TNS1: variants seen among roughly 807,000 people sequenced by gnomAD.
TNS1 encodes the protein tensin-1.
Under a neutral mutation model 168.6 loss-of-function variants are expected in TNS1, and 62 were observed. The ratio of observed to expected loss-of-function variants is 0.37; its 90% CI spans 0.30 to 0.45. The LOEUF (loss-of-function observed/expected upper bound fraction) is 0.45. Ranked by LOEUF, TNS1 falls within the 20% of genes least tolerant of loss-of-function variation. TNS1 has a pLI of 1.00. For synonymous variants in TNS1, 934 were observed against 933.2 expected, an observed-to-expected ratio of 1.00 and a Z score of -0.02; for missense variants, 2,240 against 2,339.4, an observed-to-expected ratio of 0.96 and a Z score of 0.88.
At chr2:217,957,840 CAAAAAAAAAAAA>C (rs35149245) in intron 3 of TNS1, among the ~76,000 whole-genome samples, 4 of 74,218 alleles carry the variant, frequency 5.4e-5, no homozygotes, top group Admixed American at 3.1e-4. Context: ...AGTACTCCCG[CAAAAAAAAAAAA>C]AAAAAAAAAA....
chr2:217,883,188 T>C (rs1950848232), intron 16 of TNS1, among the ~76,000 whole-genome samples: 1 of 152,230 alleles, frequency 6.6e-6, no homozygotes, highest in African/African-American at 2.4e-5. Flanking sequence ...CCTGTCTTCT[T>C]AAATCTGATT....
chr2:217,813,934 T>A lies in TNS1; in HGVS notation c.4730-118A>T. 7.7e-7 allele frequency: 1 copy of A among 1,292,204 alleles called. No individual in the cohort carries two copies. Among genetic ancestry groups the A allele is most frequent in the Non-Finnish European group, 1.0e-6 (1 of 989,322 alleles). 80.0% of individuals were successfully genotyped at this position (1,292,204 alleles called of 1,614,324 possible). ...TTTCTTAGGTGAGACAAATTTTCTT[T>A]AAAGTTAAAATTTAACTACTCCTAC... On this transcript the variant is annotated intron_variant, in intron 25 of 32. Coordinates refer to ENST00000682258, the MANE Select transcript of TNS1 (RefSeq NM_001387777.1). This position sits in a 1 kb window ranked among gnomAD's most constrained non-coding sequence, Gnocchi z 4.0.
rs527277378 is a variant in TNS1 at position 217,995,882 on chromosome 2, C to T, written c.34-4826G>A. 8.1e-4 allele frequency among the ~76,000 whole-genome samples: 124 copies of T among 152,330 alleles called. No homozygotes were observed. Among genetic ancestry groups the T allele is most frequent in the African/African-American group, 2.0e-3 (84 of 41,576 alleles). On this transcript the variant is annotated intron_variant, in intron 1 of 32. Transcript: ENST00000682258. This position sits in a 1 kb window ranked among gnomAD's most constrained non-coding sequence, Gnocchi z 4.1. ...GCCCAGAGCTCTAGCCCCCACCCTG[C>T]CACCAGCCCACCCAGCATCAGAGGG...
intron 18 of TNS1, among the ~76,000 whole-genome samples, chr2:217,851,748 C>A (rs887894617): frequency 6.6e-6 from 1 of 152,240 alleles, no homozygotes; most frequent in Non-Finnish European, 1.5e-5. Flanking sequence ...CCTCTTCCAA[C>A]CCCCTATTAT....
chr2:217,963,410 G>A (rs1409893905), intron 3 of TNS1, among the ~76,000 whole-genome samples: 2 of 152,090 alleles, frequency 1.3e-5, no homozygotes, highest in African/African-American at 4.8e-5. Flanking sequence ...CATGCACCGG[G>A]AGCGTAAAAG....
intron 1 of TNS1, among the ~76,000 whole-genome samples, chr2:217,991,737 G>A (rs1245156641): frequency 3.3e-5 from 5 of 151,930 alleles, no homozygotes; most frequent in Admixed American, 3.3e-4. Flanking sequence ...TCTAACCCAT[G>A]GCCCCACAGT....
chr2:217,971,019 G>T (rs1421567288), intron 3 of TNS1, among the ~76,000 whole-genome samples: 2 of 152,200 alleles, frequency 1.3e-5, no homozygotes, highest in African/African-American at 2.4e-5. Context: ...AGAAGCCATA[G>T]ACCAATGGTT....
intron 2 of TNS1, among the ~76,000 whole-genome samples, chr2:217,987,721 G>A (rs1015202412): frequency 1.3e-5 from 2 of 152,212 alleles, no homozygotes; most frequent in African/African-American, 4.8e-5. Context: ...CTCATCAAGA[G>A]AGTTGCCATG....
rs952999839 is a variant in TNS1, at chr2:217,842,008, C to A, written c.3007+5502G>T. The A allele has an allele frequency of 1.6e-4, 109 of 697,536 alleles. No individual in the cohort carries two copies. The East Asian group carries it at 2.9e-3, about 18-fold the overall frequency. The allele number at this position is 697,536 out of a possible 1,614,324, so 43.2% of individuals were successfully genotyped here. A position where few individuals can be genotyped will look rare whatever the true frequency, so the allele number is the denominator to read the frequency against. ...ACACCACAGGGGCCACAGGAGTGGC[C>A]AACATTGCCCCTGCCCTGGCCCCCA... On this transcript the variant is annotated intron_variant, in intron 19 of 32. Coordinates refer to ENST00000682258, the MANE Select transcript of TNS1 (RefSeq NM_001387777.1).
At chr2:218,010,832 G>T (rs943233988), upstream of TNS1, among the ~76,000 whole-genome samples, 3 of 152,146 alleles carry the variant, frequency 2.0e-5, no homozygotes, top group African/African-American at 7.2e-5. Context: ...TTAAACGGAG[G>T]CCTCCGGCTT....
At chr2:217,894,964 T>C (rs1170297181) in intron 9 of TNS1, 42 bp downstream of exon 9, 1 of 1,584,844 alleles carries the variant, frequency 6.3e-7, no homozygotes, top group Non-Finnish European at 8.7e-7. Flanking sequence ...AGTCCATCTG[T>C]TCTCCTTCTC....
intron 19 of TNS1, among the ~76,000 whole-genome samples, chr2:217,845,909 T>C (rs1574775717): frequency 6.6e-6 from 1 of 152,074 alleles, no homozygotes; most frequent in Admixed American, 6.5e-5. Flanking sequence ...TAGACTAGCG[T>C]GTCACTAATC....
chr2:217,858,856 C>A (rs974081008), intron 18 of TNS1, among the ~76,000 whole-genome samples: 1 of 152,124 alleles, frequency 6.6e-6, no homozygotes, highest in African/African-American at 2.4e-5. Context: ...TGCAGCTATG[C>A]CGTTCTTGAA....
chr2:217,978,694 C>A lies in TNS1; in HGVS notation c.186+71G>T, dbSNP rs1957956665. ...ACCGCCCCCGCCCCGCCGGCGCCCC[C>A]GCTCCAATCTGGGACCCCGAGCCAG... is the stretch of plus-strand genomic sequence containing the variant. On this transcript the variant is annotated intron_variant, in intron 3 of 32. Coordinates refer to ENST00000682258, the MANE Select transcript of TNS1 (RefSeq NM_001387777.1). 7 of 685,830 alleles carry A rather than the reference C, an allele frequency of 1.0e-5. No individual in the cohort carries two copies. The Admixed American group carries it at 1.3e-4, about 13-fold the overall frequency. 42.5% of individuals were successfully genotyped at this position (685,830 alleles called of 1,614,324 possible).
intron 18 of TNS1, among the ~76,000 whole-genome samples, chr2:217,869,680 T>C (rs1443143015): frequency 2.0e-5 from 3 of 152,230 alleles, no homozygotes; most frequent in Non-Finnish European, 4.4e-5. Context: ...ACGCATCTAC[T>C]GCGGGTTTGG....
At chr2:217,946,423 A>G (rs1183766265) in intron 3 of TNS1, among the ~76,000 whole-genome samples, 3 of 152,216 alleles carry the variant, frequency 2.0e-5, no homozygotes, top group Non-Finnish European at 2.9e-5. Context: ...TAGAGTCTCA[A>G]TAAGTGTGGA....
At chr2:217,957,462 A>G (rs937555252) in intron 3 of TNS1, among the ~76,000 whole-genome samples, 1 of 152,192 alleles carries the variant, frequency 6.6e-6, no homozygotes, top group Non-Finnish European at 1.5e-5. Context: ...TGATTTCACC[A>G]GGTAAAAACC....
At chr2:217,882,461 A>T (rs946433510) in intron 16 of TNS1, 50 bp from the exon 17 acceptor site, 3 of 1,364,340 alleles carry the variant, frequency 2.2e-6, no homozygotes, top group African/African-American at 2.9e-5. Flanking sequence ...CCCAAAAAGG[A>T]TTCCATAAAA....
intron 2 of TNS1, among the ~76,000 whole-genome samples, chr2:217,983,424 C>T (rs532097124): frequency 6.6e-6 from 1 of 152,180 alleles, no homozygotes; most frequent in Non-Finnish European, 1.5e-5. Context: ...TCAGCACTGC[C>T]CCTGCACAGC....
Sources: gnomAD v4.1 joint callset for allele counts (sites outside exome capture counted in the v4.1 genomes callset) on GRCh38, gnomAD v4.1.1 for gene constraint, Gnocchi (gnomAD v3.1) non-coding constraint, MANE v1.5 for transcripts, NCBI Gene and HGNC (gene_info 2026-07-23, HGNC 2026-07-21) for gene names.